GDPD5: variants seen among roughly 807,000 people sequenced by gnomAD.
The protein encoded by GDPD5 is glycerophosphodiester phosphodiesterase domain containing 5.
A neutral mutation model predicts 75.1 loss-of-function variants in GDPD5; 48 were observed. The ratio of observed to expected loss-of-function variants is 0.64; its 90% confidence interval spans 0.51 to 0.81. The LOEUF (loss-of-function observed/expected upper bound fraction) is 0.81, where lower values mean the gene tolerates loss of function less well. Among genes scored for constraint, GDPD5 ranks in the 40% least tolerant of loss-of-function variants. GDPD5 has a pLI of 0.00. For missense variants in GDPD5, 706 were observed against 822.6 expected (o/e 0.86, Z 1.73); for synonymous variants, 336 against 339.0 (o/e 0.99, Z 0.10).
intron 1 of GDPD5, among the ~76,000 whole-genome samples, chr11:75,505,262 G>A (rs919109268): frequency 7.7e-4 from 117 of 152,152 alleles, no homozygotes; most frequent in African/African-American, 2.5e-3. Context: ...AAGCACAGAT[G>A]GGCCTGGGGC....
chr11:75,487,066 A>G (rs887320389), intron 2 of GDPD5, among the ~76,000 whole-genome samples: 6 of 152,288 alleles, frequency 3.9e-5, no homozygotes, highest in African/African-American at 1.4e-4. Context: ...GGGAGACAGG[A>G]AAGATTCTGG....
intron 1 of GDPD5, among the ~76,000 whole-genome samples, chr11:75,503,779 G>A (rs918336869): frequency 5.3e-5 from 8 of 152,244 alleles, no homozygotes; most frequent in Non-Finnish European, 1.0e-4. Flanking sequence ...CAGCCCTGGG[G>A]AAAGTCAGGC....
rs769356278 is a variant in GDPD5, at chr11:75,510,760, C to G, written c.-145+14450G>C. Reference sequence around the variant, plus strand: ...AGCTCGCTCCCTTCTCCCCCTCCCCCCTCCTCCTCCTCCGGGCCTCCCCAT... The same window carrying G: ...AGCTCGCTCCCTTCTCCCCCTCCCCGCTCCTCCTCCTCCGGGCCTCCCCAT... On this transcript the variant is annotated intron_variant, in intron 1 of 16. Transcript: ENST00000336898. Among the ~76,000 whole-genome samples the G allele has an allele frequency of 7.0e-4, 107 of 151,986 alleles. No homozygotes were observed. In the Middle Eastern group the frequency reaches 0.01, roughly 14 times the overall value.
chr11:75,503,878 CCT>C (rs1320442095), intron 1 of GDPD5, among the ~76,000 whole-genome samples: 2 of 152,344 alleles, frequency 1.3e-5, no homozygotes, highest in Middle Eastern at 3.4e-3. Context: ...CTCCCAGCCC[CCT>C]GCCTCCCCCA....
At chr11:75,477,148 C>T (rs887449265) in intron 3 of GDPD5, among the ~76,000 whole-genome samples, 17 of 152,322 alleles carry the variant, frequency 1.1e-4, no homozygotes, top group South Asian at 4.1e-4. Flanking sequence ...TTTCTTTATC[C>T]GGCTGTGCAC....
At chr11:75,463,272 C>T (rs1311515343) in intron 3 of GDPD5, among the ~76,000 whole-genome samples, 1 of 152,226 alleles carries the variant, frequency 6.6e-6, no homozygotes, top group African/African-American at 2.4e-5. Flanking sequence ...AAAGCAGGCA[C>T]TCTTCTTCTC....
At chr11:75,517,543 C>T (rs1178217449) in intron 1 of GDPD5, 2 of 152,204 alleles carry the variant, frequency 1.3e-5, no homozygotes, top group Admixed American at 1.3e-4. Context: ...CCAGCAGCCA[C>T]TGGACTCTCT....
At chr11:75,456,874 G>GT in intron 5 of GDPD5, 58 bp from the exon 6 acceptor site, 1 of 1,547,302 alleles carries the variant, frequency 6.5e-7, no homozygotes. Context: ...GGCTTTGCCA[G>GT]TTTCTCAGAC....
intron 1 of GDPD5, chr11:75,516,046 C>T (rs1338829844): frequency 2.6e-5 from 4 of 152,370 alleles, no homozygotes; most frequent in Non-Finnish European, 5.9e-5. Flanking sequence ...CTTTGGTTTG[C>T]TTCTCCAGAG....
intron 2 of GDPD5, among the ~76,000 whole-genome samples, chr11:75,486,473 G>A (rs1372168448): frequency 6.6e-6 from 1 of 152,204 alleles, no homozygotes; most frequent in African/African-American, 2.4e-5. Context: ...CTCACAAATA[G>A]TGGTGACCCC....
chr11:75,518,971 A>G (rs576436223), intron 1 of GDPD5, among the ~76,000 whole-genome samples: 1 of 152,278 alleles, frequency 6.6e-6, no homozygotes, highest in Admixed American at 6.5e-5. Flanking sequence ...TGGGAGCAAG[A>G]AGATAAAAGA....
intron 1 of GDPD5, among the ~76,000 whole-genome samples, chr11:75,499,588 A>C (rs1950269465): frequency 3.3e-5 from 5 of 152,026 alleles, no homozygotes; most frequent in Admixed American, 3.3e-4. Flanking sequence ...AACAAGTTGT[A>C]AAAATACTGA....
At chr11:75,459,996 T>C (rs1949377690) in intron 4 of GDPD5, among the ~76,000 whole-genome samples, 1 of 152,174 alleles carries the variant, frequency 6.6e-6, no homozygotes, top group African/African-American at 2.4e-5. Flanking sequence ...CCATGGGGCA[T>C]CTGCCCTCCC....
Position 75,480,540 on chromosome 11 carries a change from AG to A in GDPD5, c.-60-2746del, listed in dbSNP as rs749661186. On this transcript the variant is annotated intron_variant, in intron 2 of 16. Transcript: ENST00000336898. ...GGTAACTTTTATGTTTAACCTTTTG[AG>A]GAACTGCCAAACTTTTCCAATGTGA... Among the ~76,000 whole-genome samples the A allele has an allele frequency of 1.1e-4, 17 of 152,236 alleles. No individual in the cohort carries two copies. The South Asian group carries it at 3.5e-3, about 32-fold the overall frequency.
At chr11:75,490,666 C>A (rs1488149000) in intron 1 of GDPD5, 2 of 152,380 alleles carry the variant, frequency 1.3e-5, no homozygotes, top group Non-Finnish European at 2.9e-5. Flanking sequence ...AGCCCAGCCA[C>A]CCTGGGGGCA....
intron 13 of GDPD5, 100 bp from the exon 14 acceptor site, chr11:75,441,410 A>T: frequency 6.9e-7 from 1 of 1,453,392 alleles, no homozygotes; most frequent in Non-Finnish European, 9.5e-7. Flanking sequence ...CCTCACAGCC[A>T]TGCCCGGGGC....
chr11:75,500,029 T>A, intron 1 of GDPD5, among the ~76,000 whole-genome samples: 1 of 152,122 alleles, frequency 6.6e-6, no homozygotes. Context: ...AGGGCAAGAC[T>A]GAAGGCTGCC....
At chr11:75,460,408 A>G (rs1332089173) in intron 4 of GDPD5, among the ~76,000 whole-genome samples, 1 of 152,028 alleles carries the variant, frequency 6.6e-6, no homozygotes, top group African/African-American at 2.4e-5. Context: ...GTTTAGGTAG[A>G]GCTTTGAGCC....
intron 3 of GDPD5, among the ~76,000 whole-genome samples, chr11:75,471,645 T>C (rs576954460): frequency 3.3e-5 from 5 of 152,224 alleles, no homozygotes; most frequent in South Asian, 2.1e-4. Flanking sequence ...TGGGTGGTGA[T>C]AGTCCCCTGG....
Sources: allele counts gnomAD v4.1 joint callset (sites outside exome capture counted in the v4.1 genomes callset), GRCh38; gene constraint gnomAD v4.1.1; transcripts MANE v1.5; gene names NCBI Gene and HGNC (gene_info 2026-07-23, HGNC 2026-07-21).